Variants in SMC1B observed in about 807,000 individuals in gnomAD.
The protein encoded by SMC1B is structural maintenance of chromosomes protein 1B.
Under a neutral mutation model 157.9 loss-of-function variants are expected in SMC1B, and 60 were observed. That is an observed-to-expected ratio of 0.38 (90% CI 0.31 to 0.47). The LOEUF (loss-of-function observed/expected upper bound fraction) is 0.47, where lower values mean the gene tolerates loss of function less well. SMC1B is among the 20% of genes least tolerant of loss of function. The pLI is 0.99. For missense variants in SMC1B, 1,165 were observed against 1,426.2 expected, an observed-to-expected ratio of 0.82 and a Z score of 2.95; for synonymous variants, 445 against 483.0, an observed-to-expected ratio of 0.92 and a Z score of 1.03.
At chr22:45,412,081 T>C (rs1283442669) in intron 1 of SMC1B, among the ~76,000 whole-genome samples, 1 of 152,154 alleles carries the variant, frequency 6.6e-6, no homozygotes, top group Non-Finnish European at 1.5e-5. Flanking sequence ...GGTTTCACTA[T>C]GTTGGCCAGG....
intron 17 of SMC1B, 57 bp from the exon 18 acceptor site, chr22:45,360,015 G>T: frequency 7.4e-7 from 1 of 1,357,258 alleles, no homozygotes; most frequent in Non-Finnish European, 1.0e-6. Flanking sequence ...ACTGCACCAA[G>T]GAAGAAAAAT....
intron 10 of SMC1B, among the ~76,000 whole-genome samples, chr22:45,389,110 T>C (rs1343575913): frequency 1.3e-5 from 2 of 151,976 alleles, no homozygotes; most frequent in Admixed American, 6.6e-5. Flanking sequence ...CTCTAAGGCA[T>C]GTGCTCTTAA....
intron 20 of SMC1B, 69 bp downstream of exon 20, chr22:45,354,890 G>C: frequency 6.8e-7 from 1 of 1,468,634 alleles, no homozygotes; most frequent in Non-Finnish European, 9.5e-7. Flanking sequence ...AGGGGAGATT[G>C]TTGGCAAATG....
intron 23 of SMC1B, 105 bp from the exon 24 acceptor site, chr22:45,345,674 A>C: frequency 1.5e-6 from 1 of 674,802 alleles, no homozygotes; most frequent in East Asian, 2.6e-5. Context: ...TTAGGTGACA[A>C]GGACTTATCC....
chr22:45,413,166 C>A (rs987280680), intron 1 of SMC1B, among the ~76,000 whole-genome samples: 1 of 151,514 alleles, frequency 6.6e-6, no homozygotes, highest in Non-Finnish European at 1.5e-5. Context: ...AGGTGGAGGG[C>A]GAGAGCGGGG....
rs748170497 is a variant in SMC1B at position 45,355,045 on chromosome 22, T to G, written c.3032A>C (p.Asp1011Ala). ...LLLQQVASQE[D>A]ILLKTAAPNL... ...TGGGGCTGCTGTTTTCAGTAAGATA[T>G]CTTCCTGGGATGCTACTTGCTGCAA... is the stretch of plus-strand genomic sequence containing the variant. The change falls in exon 20 of 25, where the codon GAT (aspartate) becomes GCT (alanine). Residue 1011 changes from aspartate to alanine, a missense_variant. Asp to Ala is a moderately radical substitution (Grantham distance 126). Transcript: ENST00000357450. 3.1e-6 allele frequency: 5 copies of G among 1,614,204 alleles called. No homozygotes were observed. The South Asian group carries it at 5.5e-5, about 18-fold the overall frequency.
rs376105944 is a variant in SMC1B at position 45,344,561 on chromosome 22, G to A, written c.3703C>T (p.Arg1235Cys). The change falls in exon 25 of 25, where the codon CGC becomes TGC. Residue 1235 changes from arginine to cysteine, a missense_variant. Physicochemically the swap from Arg to Cys is radical, Grantham distance 180. Transcript: ENST00000357450. ...TGACTGCTGCAGGACTGCCCCTAGC[G>A]GGACTCTCCGTGTCTCTTGCTGCTT... Reference protein sequence around the residue: ...QESSKRHGESR With the variant: ...QESSKRHGESC 22 of 1,611,304 alleles carry A rather than the reference G, an allele frequency of 1.4e-5. No individual in the cohort carries two copies. The highest frequency in any genetic ancestry group is 2.2e-5 in the East Asian group (1 of 44,868).
chr22:45,383,005 T>C (rs914882834), intron 12 of SMC1B, among the ~76,000 whole-genome samples: 1 of 152,018 alleles, frequency 6.6e-6, no homozygotes, highest in African/African-American at 2.4e-5. Context: ...TGGTGGCACA[T>C]GCCTGTAATC....
intron 12 of SMC1B, among the ~76,000 whole-genome samples, chr22:45,380,356 A>G (rs545462762): frequency 1.9e-4 from 29 of 152,236 alleles, no homozygotes; most frequent in African/African-American, 6.5e-4. Flanking sequence ...TGTCCTTTCA[A>G]CTGGTCAATT....
At chr22:45,370,344 A>T (rs2086819357) in intron 14 of SMC1B, among the ~76,000 whole-genome samples, 1 of 152,166 alleles carries the variant, frequency 6.6e-6, no homozygotes, top group Non-Finnish European at 1.5e-5. Context: ...AATTCCTTTT[A>T]CTTTAGACCC....
chr22:45,355,913 T>C (rs1392586645), intron 19 of SMC1B, among the ~76,000 whole-genome samples: 1 of 151,960 alleles, frequency 6.6e-6, no homozygotes, highest in African/African-American at 2.4e-5. Flanking sequence ...CTACTAAAAA[T>C]ACAAAAATTA....
intron 4 of SMC1B, among the ~76,000 whole-genome samples, chr22:45,404,583 C>T (rs2087236180): frequency 6.6e-6 from 1 of 152,234 alleles, no homozygotes; most frequent in Admixed American, 6.5e-5. Context: ...TTGGTCTCTA[C>T]AATCCGTTAT....
In SMC1B at chr22:45,386,996, C is replaced by T. The variant is rs1374976570; in HGVS notation, c.1782G>A (p.Val594=). 2 of 1,613,952 alleles carry T rather than the reference C, an allele frequency of 1.2e-6. No individual in the cohort carries two copies. The highest frequency in any genetic ancestry group is 1.7e-6 in the Non-Finnish European group (2 of 1,179,946). ...GAAACTGAGTCTTTATGACATCAATCACCATTTTACAGCCTTTAAGCTCCC... is the reference window on the plus strand; with the variant it reads ...GAAACTGAGTCTTTATGACATCAATTACCATTTTACAGCCTTTAAGCTCCC... ...RLRELKGCKM[V]IDVIKTQFPQ... is the part of the protein sequence containing the mutation. The change falls in exon 11 of 25, where the codon GTG becomes GTA. Residue 594 remains valine (V), a synonymous_variant. Transcript: ENST00000357450.
chr22:45,360,083 C>T (rs2086706957), intron 17 of SMC1B, 125 bp from the exon 18 acceptor site: 1 of 676,570 alleles, frequency 1.5e-6, no homozygotes, highest in African/African-American at 1.8e-5. Flanking sequence ...GCTGTAAGTT[C>T]TAGAATCCTC....
At chr22:45,400,199 C>T (rs935608217) in intron 5 of SMC1B, among the ~76,000 whole-genome samples, 5 of 152,162 alleles carry the variant, frequency 3.3e-5, no homozygotes, top group Non-Finnish European at 5.9e-5. Context: ...ATGTTGGTTC[C>T]TAATACTGTT....
chr22:45,370,964 C>T (rs924444065), intron 14 of SMC1B, among the ~76,000 whole-genome samples: 4 of 152,162 alleles, frequency 2.6e-5, no homozygotes, highest in Admixed American at 6.5e-5. Context: ...GGTGGTGTAA[C>T]AAATCACTTT....
intron 8 of SMC1B, 82 bp downstream of exon 8, chr22:45,394,603 T>TCTGG (rs2087101799): frequency 7.4e-7 from 1 of 1,359,042 alleles, no homozygotes; most frequent in East Asian, 3.0e-5. Flanking sequence ...GCCACTGCAC[T>TCTGG]CTGGCCTGGG....
intron 15 of SMC1B, among the ~76,000 whole-genome samples, chr22:45,365,011 G>T (rs5765291): frequency 6.6e-6 from 1 of 151,216 alleles, no homozygotes; most frequent in African/African-American, 2.4e-5. Context: ...CTAATTTTTT[G>T]TATTTTTAGT....
intron 15 of SMC1B, among the ~76,000 whole-genome samples, chr22:45,368,945 G>A (rs1386848686): frequency 2.0e-5 from 3 of 152,138 alleles, no homozygotes; most frequent in African/African-American, 7.2e-5. Context: ...AATGGGGTGG[G>A]TAGGAAGCCT....
Sources: allele counts gnomAD v4.1 joint callset (sites outside exome capture counted in the v4.1 genomes callset), GRCh38; gene constraint gnomAD v4.1.1; transcripts MANE v1.5; gene names NCBI Gene and HGNC (gene_info 2026-07-23, HGNC 2026-07-21).